Variants in ARHGAP10 observed in about 807,000 individuals in gnomAD.
The protein encoded by ARHGAP10 is Rho GTPase activating protein 10, also known as rho GTPase-activating protein 10.
ARHGAP10 carries 87 observed loss-of-function variants against 108.6 expected under a neutral mutation model. That is an observed-to-expected ratio of 0.80 (90% CI 0.67 to 0.96). The LOEUF is 0.96. Among genes scored for constraint, ARHGAP10 ranks in the 40% least tolerant of loss-of-function variants. The pLI, the probability that ARHGAP10 is intolerant of heterozygous loss-of-function variation, is 0.00. For missense variants in ARHGAP10, 939 were observed against 954.5 expected (o/e 0.98, Z 0.21); for synonymous variants, 347 against 341.1 (o/e 1.02, Z -0.19).
intron 18 of ARHGAP10, among the ~76,000 whole-genome samples, chr4:147,984,247 T>TC (rs1443463332): frequency 6.6e-6 from 1 of 152,082 alleles, no homozygotes; most frequent in Non-Finnish European, 1.5e-5. Context: ...AAAAGCGCCC[T>TC]CCCCCAGTAC....
At chr4:147,945,149 A>T (rs1738323174) in intron 14 of ARHGAP10, among the ~76,000 whole-genome samples, 1 of 152,172 alleles carries the variant, frequency 6.6e-6, no homozygotes, top group African/African-American at 2.4e-5. Flanking sequence ...GCCATGCCAC[A>T]GCTGAGTGTA....
intron 7 of ARHGAP10, among the ~76,000 whole-genome samples, chr4:147,867,072 T>C (rs1734596688): frequency 6.6e-6 from 1 of 152,212 alleles, no homozygotes; most frequent in South Asian, 2.1e-4. Flanking sequence ...TTTGTTATGT[T>C]AACTCTAAAT....
intron 13 of ARHGAP10, among the ~76,000 whole-genome samples, chr4:147,918,301 A>C (rs1737076523): frequency 6.6e-6 from 1 of 151,766 alleles, no homozygotes; most frequent in African/African-American, 2.4e-5. Flanking sequence ...AAGCCTGGCT[A>C]ATTTTTTGTA....
At chr4:147,959,663 C>A (rs1013167652) in intron 16 of ARHGAP10, among the ~76,000 whole-genome samples, 1 of 152,084 alleles carries the variant, frequency 6.6e-6, no homozygotes, top group African/African-American at 2.4e-5. Context: ...TGATGGTTTC[C>A]AGCTTCATCC....
chr4:147,777,976 A>C (rs1730364130), intron 1 of ARHGAP10, among the ~76,000 whole-genome samples: 1 of 152,168 alleles, frequency 6.6e-6, no homozygotes, highest in Non-Finnish European at 1.5e-5. Context: ...GTTACTGTTC[A>C]TTAGTCTATG....
intron 15 of ARHGAP10, among the ~76,000 whole-genome samples, chr4:147,953,596 A>T (rs553154166): frequency 6.7e-6 from 1 of 149,310 alleles, no homozygotes; most frequent in South Asian, 2.2e-4. Flanking sequence ...ATCTGCACTG[A>T]TTCTGCAGTC....
chr4:147,965,002 A>T lies in ARHGAP10; in HGVS notation c.1451-22A>T, dbSNP rs747333826. 6 of 1,477,704 alleles carry T rather than the reference A, an allele frequency of 4.1e-6. No homozygotes were observed. The African/African-American group carries it at 7.3e-5, about 18-fold the overall frequency. 91.5% of individuals were successfully genotyped at this position (1,477,704 alleles called of 1,614,324 possible). A position where few individuals can be genotyped will look rare whatever the true frequency, so the allele number is the denominator to read the frequency against. ...TTTCTTTTTCTTTATTTTTTTCTTTATTATTATTTTTTTTTTGGAAGAAAG... is the reference window on the plus strand; with the variant it reads ...TTTCTTTTTCTTTATTTTTTTCTTTTTTATTATTTTTTTTTTGGAAGAAAG... On this transcript the variant is annotated intron_variant, in intron 16 of 22. Transcript: ENST00000336498.
intron 22 of ARHGAP10, among the ~76,000 whole-genome samples, chr4:148,070,000 CTTGCTGCCAGATCGCT>C: frequency 6.6e-6 from 1 of 152,346 alleles, no homozygotes; most frequent in East Asian, 1.9e-4. Flanking sequence ...AAGGAAGTAA[CTTGCTGCCAGATCGCT>C]TTGAGAGCAC....
intron 10 of ARHGAP10, among the ~76,000 whole-genome samples, chr4:147,888,341 CTGGGGTG>C (rs1489987738): frequency 4.6e-5 from 7 of 152,138 alleles, no homozygotes; most frequent in African/African-American, 1.4e-4. Context: ...AGTATTGCTT[CTGGGGTG>C]TCTAAAAGGC....
chr4:147,808,121 T>C lies in ARHGAP10; in HGVS notation c.155-14606T>C, dbSNP rs944854259. 7.2e-5 allele frequency among the ~76,000 whole-genome samples: 11 copies of C among 152,314 alleles called. No homozygotes were observed. In the East Asian group the frequency reaches 2.1e-3, roughly 29 times the overall value. ...GAAGTTAGAAAGTATGGATCACACA[T>C]CCTGCCACTGTGTGCATCTACTTTA... is the stretch of plus-strand genomic sequence containing the variant. On this transcript the variant is annotated intron_variant, in intron 1 of 22. Transcript: ENST00000336498.
At chr4:147,748,820 G>A (rs979780012) in intron 1 of ARHGAP10, among the ~76,000 whole-genome samples, 1 of 151,944 alleles carries the variant, frequency 6.6e-6, no homozygotes, top group East Asian at 1.9e-4. Context: ...GGTTGGGGGC[G>A]TGGGGGCACA....
intron 13 of ARHGAP10, among the ~76,000 whole-genome samples, chr4:147,936,390 G>A (rs1419647183): frequency 2.2e-5 from 3 of 137,888 alleles, no homozygotes; most frequent in Admixed American, 7.8e-5. Flanking sequence ...CTGCAGTGGC[G>A]CAATCTCGGC....
intron 3 of ARHGAP10, among the ~76,000 whole-genome samples, chr4:147,823,847 T>C (rs775786982): frequency 4.6e-5 from 7 of 152,132 alleles, no homozygotes; most frequent in Non-Finnish European, 4.4e-5. Flanking sequence ...GTGCCTTGAG[T>C]GTATGATCTC....
intron 20 of ARHGAP10, among the ~76,000 whole-genome samples, chr4:148,052,645 G>A (rs1175084385): frequency 6.6e-6 from 1 of 152,164 alleles, no homozygotes; most frequent in Non-Finnish European, 1.5e-5. Flanking sequence ...GTTACACTGA[G>A]ATCTCTAGGA....
At chr4:147,732,785 C>T (rs185202665) in intron 1 of ARHGAP10, among the ~76,000 whole-genome samples, 1 of 152,332 alleles carries the variant, frequency 6.6e-6, no homozygotes. Context: ...GCACTCCTGG[C>T]CCGGAGTCAG....
chr4:148,051,492 T>C (rs577208744), intron 20 of ARHGAP10, among the ~76,000 whole-genome samples: 1 of 152,352 alleles, frequency 6.6e-6, no homozygotes, highest in African/African-American at 2.4e-5. Flanking sequence ...ATCTGCTTCC[T>C]CTACAGATTT....
At chr4:148,050,564 G>A (rs1162480049) in intron 20 of ARHGAP10, among the ~76,000 whole-genome samples, 5 of 151,552 alleles carry the variant, frequency 3.3e-5, no homozygotes, top group South Asian at 2.1e-4. Context: ...TAGTAGAGAC[G>A]GGGTTTCACT....
In ARHGAP10 at chr4:147,939,867, C is replaced by T. The variant is rs1207861019; in HGVS notation, c.1271C>T (p.Ser424Leu). The change falls in exon 14 of 23, where the codon TCA (serine) becomes TTA (leucine). Residue 424 changes from serine (S) to leucine (L), a missense_variant. By Grantham distance (145) the Ser-to-Leu change is moderately radical. Coordinates refer to ENST00000336498, the MANE Select transcript of ARHGAP10 (RefSeq NM_024605.4). ...QGLYRVVGVS[S>L]KVQRLLSMLM... is the part of the protein sequence containing the mutation. Reference sequence around the variant, plus strand: ...TTGTACAGAGTTGTGGGGGTGAGTTCAAAGGTCCAGAGACTTCTGAGTATG... The same window carrying T: ...TTGTACAGAGTTGTGGGGGTGAGTTTAAAGGTCCAGAGACTTCTGAGTATG... 7 of 1,613,932 alleles carry T rather than the reference C, an allele frequency of 4.3e-6. No individual in the cohort carries two copies. The highest frequency in any genetic ancestry group is 5.9e-6 in the Non-Finnish European group (7 of 1,179,932).
intron 1 of ARHGAP10, among the ~76,000 whole-genome samples, chr4:147,762,524 A>ATTTATT (rs1560744325): frequency 3.2e-4 from 26 of 80,248 alleles, no homozygotes; most frequent in South Asian, 1.9e-3. Flanking sequence ...ATTTATTTTT[A>ATTTATT]TTTATTTATT....
Sources: gnomAD v4.1 joint callset for allele counts (sites outside exome capture counted in the v4.1 genomes callset) on GRCh38, gnomAD v4.1.1 for gene constraint, MANE v1.5 for transcripts, NCBI Gene and HGNC (gene_info 2026-07-23, HGNC 2026-07-21) for gene names.